Variants in TSHZ2 observed in about 807,000 individuals in gnomAD.
TSHZ2 encodes the protein teashirt zinc finger homeobox 2.
Under a neutral mutation model 74.4 loss-of-function variants are expected in TSHZ2, and 21 were observed. The ratio of observed to expected loss-of-function variants is 0.28; its 90% CI spans 0.20 to 0.41. The LOEUF (loss-of-function observed/expected upper bound fraction) is 0.41, where lower values mean the gene tolerates loss of function less well. Among genes scored for constraint, TSHZ2 ranks in the 10% least tolerant of loss-of-function variants. The pLI is 1.00. For missense variants in TSHZ2, 1,244 were observed against 1,293.5 expected (o/e 0.96, Z 0.59); for synonymous variants, 540 against 515.3 (o/e 1.05, Z -0.65).
At chr20:53,098,677 G>A (rs945920196) in intron 1 of TSHZ2, among the ~76,000 whole-genome samples, 1 of 152,150 alleles carries the variant, frequency 6.6e-6, no homozygotes, top group Non-Finnish European at 1.5e-5. Context: ...ATTCAGGGGG[G>A]AATTTCCCTC....
rs920089690 is a variant in TSHZ2 at position 53,012,527 on chromosome 20, C to G, written c.40+39194C>G. 1.5e-4 allele frequency among the ~76,000 whole-genome samples: 23 copies of G among 152,252 alleles called. 1 individual carries two copies. Among genetic ancestry groups the G allele is most frequent in the African/African-American group, 5.5e-4 (23 of 41,554 alleles). ...AGCTTGGGAAGTTTAGGTGTGGTAC[C>G]TATTTTCCAGAACCCCAAGCAGCTG... On this transcript the variant is annotated intron_variant, in intron 1 of 2. Transcript: ENST00000371497.
chr20:53,433,413 C>G (rs374576805), intron 2 of TSHZ2, among the ~76,000 whole-genome samples: 1 of 133,074 alleles, frequency 7.5e-6, no homozygotes, highest in South Asian at 2.6e-4. Flanking sequence ...TAGCATGCAC[C>G]TGTAGTCCCA....
chr20:53,284,504 G>A (rs1446449731), intron 2 of TSHZ2, among the ~76,000 whole-genome samples: 1 of 152,150 alleles, frequency 6.6e-6, no homozygotes, highest in Admixed American at 6.5e-5. Flanking sequence ...GCATTGGTGA[G>A]CCGATTCCCG....
chr20:53,421,808 G>C lies in TSHZ2; in HGVS notation c.*9-65336G>C, dbSNP rs906914913. ...CGCCATTCTCCTGTCTCAGCCTCCCGAGTAGCTGGGACTACAGGCGCCCGC... is the reference window on the plus strand; with the variant it reads ...CGCCATTCTCCTGTCTCAGCCTCCCCAGTAGCTGGGACTACAGGCGCCCGC... On this transcript the variant is annotated intron_variant, in intron 2 of 2. Coordinates refer to ENST00000371497, the MANE Select transcript of TSHZ2 (RefSeq NM_173485.6). Among the ~76,000 whole-genome samples, 4 of 143,872 alleles carry C rather than the reference G, an allele frequency of 2.8e-5. No individual in the cohort carries two copies. The Admixed American group carries it at 2.9e-4, about 10-fold the overall frequency. 94.4% of individuals were successfully genotyped at this position (143,872 alleles called of 152,430 possible).
chr20:53,361,013 G>T (rs7264560), intron 2 of TSHZ2, among the ~76,000 whole-genome samples: 2 of 152,146 alleles, frequency 1.3e-5, no homozygotes, highest in African/African-American at 4.8e-5. Context: ...GTGAAGCACA[G>T]GAAAAATCCA....
intron 2 of TSHZ2, among the ~76,000 whole-genome samples, chr20:53,360,474 A>G (rs974463356): frequency 2.6e-5 from 4 of 152,238 alleles, no homozygotes; most frequent in African/African-American, 7.2e-5. Flanking sequence ...TAAGAGACAT[A>G]GAAGCAGACA....
intron 2 of TSHZ2, among the ~76,000 whole-genome samples, chr20:53,293,555 G>C (rs1204591865): frequency 6.6e-6 from 1 of 152,110 alleles, no homozygotes; most frequent in African/African-American, 2.4e-5. Context: ...GACCAGTCTT[G>C]GATGTTGTCC....
chr20:53,217,006 C>A (rs1456045773), intron 1 of TSHZ2, among the ~76,000 whole-genome samples: 1 of 152,122 alleles, frequency 6.6e-6, no homozygotes, highest in Admixed American at 6.5e-5. Flanking sequence ...TGTTCCTGAG[C>A]GGGCCCGTTT....
intron 2 of TSHZ2, among the ~76,000 whole-genome samples, chr20:53,440,551 A>G (rs1011572005): frequency 6.6e-6 from 1 of 152,138 alleles, no homozygotes; most frequent in Non-Finnish European, 1.5e-5. Context: ...GCATTGTTCT[A>G]AGTTCCAGGA....
At chr20:53,053,755 T>C (rs762329457) in intron 1 of TSHZ2, among the ~76,000 whole-genome samples, 4 of 152,182 alleles carry the variant, frequency 2.6e-5, no homozygotes, top group Non-Finnish European at 4.4e-5. Flanking sequence ...ATGTAGAAAT[T>C]ATGCCTCAAT....
In TSHZ2 at chr20:53,232,065, T is replaced by A. The variant is rs116221131; in HGVS notation, c.41-21434T>A. Among the ~76,000 whole-genome samples the A allele has an allele frequency of 6.6e-3, 1,005 of 152,190 alleles. 14 individuals are homozygous for A. Among genetic ancestry groups the A allele is most frequent in the African/African-American group, 0.023 (951 of 41,498 alleles). On this transcript the variant is annotated intron_variant, in intron 1 of 2. Coordinates refer to ENST00000371497, the MANE Select transcript of TSHZ2 (RefSeq NM_173485.6). ...ACACCTGGCTAATTTATTTTTTTATTTTTTTGTAGAGATGGGATCTTGTTT... is the reference window on the plus strand; with the variant it reads ...ACACCTGGCTAATTTATTTTTTTATATTTTTGTAGAGATGGGATCTTGTTT...
In TSHZ2 at chr20:53,254,207, T is replaced by C. The variant is rs1442150070; in HGVS notation, c.749T>C (p.Leu250Pro). ...YQDDNRKKDK[L>P]RPTSYSKPRK... ...GATGACAACCGCAAAAAGGACAAGC[T>C]CAGACCCACGAGCTATTCAAAGCCC... Residue 250 changes from leucine to proline, a missense_variant, in exon 2 of 3, where the codon CTC (leucine) becomes CCC (proline). By Grantham distance (98) the Leu-to-Pro change is moderately conservative (BLOSUM62 -3). Coordinates refer to ENST00000371497, the MANE Select transcript of TSHZ2 (RefSeq NM_173485.6). 2 of 1,613,932 alleles carry C rather than the reference T, an allele frequency of 1.2e-6. No individual in the cohort carries two copies. The highest frequency in any genetic ancestry group is 1.7e-6 in the Non-Finnish European group (2 of 1,179,988).
intron 2 of TSHZ2, among the ~76,000 whole-genome samples, chr20:53,367,461 C>T (rs1033026372): frequency 6.6e-6 from 1 of 152,050 alleles, no homozygotes; most frequent in African/African-American, 2.4e-5. Context: ...CTTTACTCTC[C>T]TGAGTCCAGA....
rs533178827 is a variant in TSHZ2 at position 53,429,382 on chromosome 20, G to C, written c.*9-57762G>C. Among the ~76,000 whole-genome samples the C allele has an allele frequency of 3.3e-5, 5 of 152,310 alleles. No homozygotes were observed. The South Asian group carries it at 1.0e-3, about 32-fold the overall frequency. ...CCCACATCTCACCCTGAATTCCCAC[G>C]TGTTGTGGGGGGAACCCAGTGGGAG... is the stretch of plus-strand genomic sequence containing the variant. On this transcript the variant is annotated intron_variant, in intron 2 of 2. Transcript: ENST00000371497.
At chr20:53,208,667 G>C (rs1989231874) in intron 1 of TSHZ2, 1 of 152,174 alleles carries the variant, frequency 6.6e-6, no homozygotes, top group African/African-American at 2.4e-5. Context: ...CTGTAGGTTG[G>C]AATTGCTGTT....
intron 2 of TSHZ2, among the ~76,000 whole-genome samples, chr20:53,410,485 G>C (rs140517663): frequency 0.013 from 1,963 of 152,120 alleles, 42 homozygotes; most frequent in African/African-American, 0.041. Context: ...GGAGGAGGAG[G>C]CATAGCATTT....
chr20:53,253,375 T>A (rs1990371708), intron 1 of TSHZ2, 124 bp from the exon 2 acceptor site: 7 of 1,448,830 alleles, frequency 4.8e-6, no homozygotes, highest in Non-Finnish European at 6.4e-6. Context: ...CTGCTCACAG[T>A]GCATAAAAAT....
At chr20:53,468,456 ATCT>A (rs1232554783) in intron 2 of TSHZ2, among the ~76,000 whole-genome samples, 1 of 152,120 alleles carries the variant, frequency 6.6e-6, no homozygotes, top group Non-Finnish European at 1.5e-5. Context: ...GAGGCCCCAC[ATCT>A]TCTTGCCTGA....
At chr20:53,230,649 T>C (rs538501766) in intron 1 of TSHZ2, among the ~76,000 whole-genome samples, 1 of 152,194 alleles carries the variant, frequency 6.6e-6, no homozygotes, top group African/African-American at 2.4e-5. Flanking sequence ...TCCCAGCACT[T>C]TGGGAGGCTG....
Sources: gnomAD v4.1 joint callset for allele counts (sites outside exome capture counted in the v4.1 genomes callset) on GRCh38, gnomAD v4.1.1 for gene constraint, MANE v1.5 for transcripts, NCBI Gene and HGNC (gene_info 2026-07-23, HGNC 2026-07-21) for gene names.